ATP8A2: variants seen among roughly 807,000 people sequenced by gnomAD.
ATP8A2 encodes phospholipid-transporting ATPase IB.
A neutral mutation model predicts 165.6 loss-of-function variants in ATP8A2; 100 were observed. The ratio of observed to expected loss-of-function variants is 0.60; its 90% confidence interval spans 0.51 to 0.71. The LOEUF is 0.71. Among genes scored for constraint, ATP8A2 ranks in the 30% least tolerant of loss-of-function variants. ATP8A2 has a pLI of 0.00. For missense variants in ATP8A2, 1,227 were observed against 1,479.5 expected (o/e 0.83, Z 2.80); for synonymous variants, 543 against 548.8 (o/e 0.99, Z 0.15).
intron 34 of ATP8A2, among the ~76,000 whole-genome samples, chr13:25,964,571 T>C (rs1360008245): frequency 6.6e-6 from 1 of 152,214 alleles, no homozygotes; most frequent in Non-Finnish European, 1.5e-5. Context: ...GGCTTCTTCT[T>C]CCCATGCACT....
chr13:25,548,229 AAAAC>A (rs76570812), intron 10 of ATP8A2, among the ~76,000 whole-genome samples: 7 of 152,076 alleles, frequency 4.6e-5, no homozygotes, highest in Non-Finnish European at 1.0e-4. Flanking sequence ...CTGTCTCCAA[AAAAC>A]AAACAAACAA....
chr13:26,019,020 T>C (rs1957041504), intron 36 of ATP8A2, among the ~76,000 whole-genome samples: 1 of 152,172 alleles, frequency 6.6e-6, no homozygotes, highest in Non-Finnish European at 1.5e-5. Context: ...CTAAATTCCT[T>C]TTGAGTTTAT....
At chr13:25,982,137 C>T (rs893769336) in intron 35 of ATP8A2, among the ~76,000 whole-genome samples, 1 of 152,216 alleles carries the variant, frequency 6.6e-6, no homozygotes, top group East Asian at 1.9e-4. Context: ...GTTGCCCAGA[C>T]CTTTTGCCCT....
intron 33 of ATP8A2, among the ~76,000 whole-genome samples, chr13:25,885,940 G>A (rs1953137167): frequency 1.3e-5 from 2 of 152,190 alleles, no homozygotes; most frequent in South Asian, 4.1e-4. Context: ...AAAGGGAATT[G>A]CAGGTTTGAA....
At chr13:25,769,710 C>T (rs2044577478) in intron 26 of ATP8A2, among the ~76,000 whole-genome samples, 1 of 152,126 alleles carries the variant, frequency 6.6e-6, no homozygotes, top group African/African-American at 2.4e-5. Context: ...CAGCTGTCGC[C>T]TTCTCTGTAG....
intron 24 of ATP8A2, among the ~76,000 whole-genome samples, chr13:25,692,149 C>T (rs778117822): frequency 5.9e-5 from 9 of 151,954 alleles, no homozygotes; most frequent in Admixed American, 1.3e-4. Flanking sequence ...AAGAGATTCA[C>T]GGAGGGGAAG....
At chr13:25,558,715 C>T (rs751881876) in intron 13 of ATP8A2, among the ~76,000 whole-genome samples, 1 of 152,120 alleles carries the variant, frequency 6.6e-6, no homozygotes, top group Non-Finnish European at 1.5e-5. Context: ...TTCAGTAGCA[C>T]ATCATTCAGT....
In ATP8A2 at chr13:25,834,481, A is replaced by G. The variant is rs916450449; in HGVS notation, c.2755-2682A>G. Among the ~76,000 whole-genome samples, 8 of 152,328 alleles carry G rather than the reference A, an allele frequency of 5.3e-5. No homozygotes were observed. The East Asian group carries it at 1.5e-3, about 29-fold the overall frequency. ...GTATTACATAATGTTTGTGGTAACAAAGAACTGGAAAGAAAATGAATGTCT... is the reference window on the plus strand; with the variant it reads ...GTATTACATAATGTTTGTGGTAACAGAGAACTGGAAAGAAAATGAATGTCT... On this transcript the variant is annotated intron_variant, in intron 28 of 36. Transcript: ENST00000381655.
At chr13:25,796,558 AAG>A (rs1251393665) in intron 27 of ATP8A2, among the ~76,000 whole-genome samples, 33 of 152,164 alleles carry the variant, frequency 2.2e-4, no homozygotes, top group Non-Finnish European at 3.4e-4. Flanking sequence ...CCTACTGGGG[AAG>A]AGCCATTTCC....
intron 33 of ATP8A2, among the ~76,000 whole-genome samples, chr13:25,943,011 T>C (rs1955112108): frequency 6.6e-6 from 1 of 152,090 alleles, no homozygotes; most frequent in African/African-American, 2.4e-5. Flanking sequence ...ATGTCCCCGC[T>C]GAGAGTCTTG....
chr13:25,531,145 A>ATATATGTTATATGTGTG (rs2038022361), intron 4 of ATP8A2, among the ~76,000 whole-genome samples: 2 of 142,986 alleles, frequency 1.4e-5, no homozygotes, highest in South Asian at 4.4e-4. Context: ...GTGTATATAT[A>ATATATGTTATATGTGTG]TGTTATATAT....
intron 2 of ATP8A2, among the ~76,000 whole-genome samples, chr13:25,505,104 A>T (rs548114544): frequency 6.8e-6 from 1 of 146,078 alleles, no homozygotes; most frequent in Non-Finnish European, 1.5e-5. Context: ...GAATTATTGG[A>T]TTGAATGGGT....
At chr13:25,781,845 A>C (rs1566132704) in intron 27 of ATP8A2, among the ~76,000 whole-genome samples, 1 of 152,130 alleles carries the variant, frequency 6.6e-6, no homozygotes, top group Non-Finnish European at 1.5e-5. Flanking sequence ...TCTTTCCATT[A>C]TTATGTCATT....
chr13:25,666,861 T>C (rs890886791), intron 24 of ATP8A2, among the ~76,000 whole-genome samples: 2 of 152,218 alleles, frequency 1.3e-5, no homozygotes, highest in Admixed American at 6.5e-5. Context: ...GCTATCTCTT[T>C]AGAAAAAGTA....
chr13:25,937,443 C>T (rs1444595347), intron 33 of ATP8A2, among the ~76,000 whole-genome samples: 1 of 138,772 alleles, frequency 7.2e-6, no homozygotes, highest in Non-Finnish European at 1.5e-5. Context: ...TAATTATTGT[C>T]CTTTGCTTTT....
At chr13:25,496,830 ACTAGAGTATTT>A (rs2036692882) in intron 2 of ATP8A2, among the ~76,000 whole-genome samples, 1 of 152,206 alleles carries the variant, frequency 6.6e-6, no homozygotes, top group Non-Finnish European at 1.5e-5. Context: ...GTGCTTTTGT[ACTAGAGTATTT>A]AATATTCTTA....
chr13:26,015,694 C>T (rs1956954846), intron 36 of ATP8A2, among the ~76,000 whole-genome samples: 1 of 152,200 alleles, frequency 6.6e-6, no homozygotes, highest in African/African-American at 2.4e-5. Flanking sequence ...CTTTCACCTA[C>T]ACGATTCTGT....
intron 33 of ATP8A2, among the ~76,000 whole-genome samples, chr13:25,936,235 C>A (rs939656216): frequency 6.6e-6 from 1 of 152,186 alleles, no homozygotes; most frequent in Admixed American, 6.5e-5. Context: ...TCATCCAGAC[C>A]CAGCTGATGC....
chr13:26,014,559 C>CTCTA (rs1009676806), intron 36 of ATP8A2, among the ~76,000 whole-genome samples: 36 of 151,918 alleles, frequency 2.4e-4, no homozygotes, highest in African/African-American at 8.4e-4. Flanking sequence ...GCCTGTGGGT[C>CTCTA]CCTACCTAAG....
Sources: gnomAD v4.1 joint callset for allele counts (sites outside exome capture counted in the v4.1 genomes callset) on GRCh38, gnomAD v4.1.1 for gene constraint, MANE v1.5 for transcripts, NCBI Gene and HGNC (gene_info 2026-07-23, HGNC 2026-07-21) for gene names.